PUDP: variants seen among roughly 807,000 people sequenced by gnomAD.
PUDP encodes pseudouridine-5'-phosphatase.
Under a neutral mutation model 9.4 loss-of-function variants are expected in PUDP, and 8 were observed. The observed-to-expected ratio is 0.85, with a 90% CI of 0.50 to 1.53. The LOEUF (loss-of-function observed/expected upper bound fraction) is 1.53. Among genes scored for constraint, PUDP ranks in the 40% most tolerant of loss-of-function variants. The pLI, the probability that PUDP is intolerant of heterozygous loss-of-function variation, is 0.00. For synonymous variants in PUDP, 99 were observed against 80.7 expected (o/e 1.23, Z -1.22); for missense variants, 188 against 189.7 (o/e 0.99, Z 0.05).
chrX:6,762,296 A>T (rs1232478155), intron 3 of PUDP, among the ~76,000 whole-genome samples: 1 of 112,415 alleles, frequency 8.9e-6, no homozygotes, highest in Non-Finnish European at 1.9e-5. Flanking sequence ...CCTATTTTTA[A>T]TTGTCTTCAG....
intron 2 of PUDP, among the ~76,000 whole-genome samples, chrX:7,103,464 ATAAAT>A (rs747753523): frequency 8.9e-6 from 1 of 112,614 alleles, no homozygotes; most frequent in East Asian, 2.8e-4. Context: ...GGAAGAAAAC[ATAAAT>A]TAAAGTTTCA....
intron 3 of PUDP, among the ~76,000 whole-genome samples, chrX:6,955,725 C>T (rs1368848961): frequency 1.8e-5 from 2 of 111,488 alleles, no homozygotes; most frequent in Non-Finnish European, 3.8e-5. Context: ...ACTTATATAA[C>T]ATAATATTTA....
intron 3 of PUDP, among the ~76,000 whole-genome samples, chrX:6,809,483 A>G (rs896740330): frequency 4.6e-5 from 5 of 108,896 alleles, no homozygotes; most frequent in Non-Finnish European, 9.5e-5. Context: ...TTTTGTAGCA[A>G]TAGGGTCTCC....
intron 1 of PUDP, among the ~76,000 whole-genome samples, chrX:7,120,154 GAAT>G (rs1932302570): frequency 1.8e-5 from 2 of 111,616 alleles, no homozygotes; most frequent in Admixed American, 9.5e-5. Context: ...GCAGTAGAGA[GAAT>G]AATTGTCCCC....
intron 3 of PUDP, among the ~76,000 whole-genome samples, chrX:6,964,736 A>C (rs1928756999): frequency 9.0e-6 from 1 of 111,659 alleles, no homozygotes; most frequent in South Asian, 3.8e-4. Flanking sequence ...AAAAGTGTTG[A>C]GCTCCTTTGA....
chrX:7,110,434 A>G (rs1463534049), intron 1 of PUDP, among the ~76,000 whole-genome samples: 1 of 112,245 alleles, frequency 8.9e-6, no homozygotes, highest in Non-Finnish European at 1.9e-5. Flanking sequence ...CCTGCTTACC[A>G]TGCAAATGGG....
intron 3 of PUDP, among the ~76,000 whole-genome samples, chrX:6,772,816 G>A (rs888820942): frequency 9.1e-6 from 1 of 109,577 alleles, no homozygotes; most frequent in African/African-American, 3.3e-5. Context: ...AAAAACCCAG[G>A]ACATTAAGGT....
chrX:7,082,210 A>G (rs1223262593), intron 2 of PUDP, among the ~76,000 whole-genome samples: 1 of 112,126 alleles, frequency 8.9e-6, no homozygotes, highest in Non-Finnish European at 1.9e-5. Flanking sequence ...GAACTGGGGA[A>G]TGTGGAGAAT....
At chrX:7,140,808 A>G (rs892224207) in intron 1 of PUDP, among the ~76,000 whole-genome samples, 6 of 112,102 alleles carry the variant, frequency 5.4e-5, no homozygotes, top group Admixed American at 9.5e-5. Flanking sequence ...AAAGTCTATC[A>G]ACACCATTTT....
At chrX:6,770,609 G>C (rs1227674803) in intron 3 of PUDP, among the ~76,000 whole-genome samples, 1 of 111,462 alleles carries the variant, frequency 9.0e-6, no homozygotes. Flanking sequence ...AAACTAACCT[G>C]TAAGAAACAC....
chrX:6,730,549 T>C (rs145341758), intron 3 of PUDP, among the ~76,000 whole-genome samples: 2,260 of 112,086 alleles, frequency 0.02, 54 homozygotes, highest in African/African-American at 0.068. Flanking sequence ...GGGAAACCTT[T>C]GGTCTAGGAG....
intron 3 of PUDP, among the ~76,000 whole-genome samples, chrX:6,939,034 T>C (rs1928357843): frequency 9.0e-6 from 1 of 110,517 alleles, no homozygotes; most frequent in Non-Finnish European, 1.9e-5. Context: ...TTCTTTTGAT[T>C]TATGCAAACC....
intron 1 of PUDP, among the ~76,000 whole-genome samples, chrX:7,133,208 C>T: frequency 9.0e-6 from 1 of 111,520 alleles, no homozygotes; most frequent in Middle Eastern, 4.6e-3. Context: ...GCCTCTTGGC[C>T]ACGCGGGTAG....
At chrX:7,021,738 T>A (rs1380504741) in intron 1 of PUDP, among the ~76,000 whole-genome samples, 3 of 111,888 alleles carry the variant, frequency 2.7e-5, no homozygotes, top group Non-Finnish European at 5.6e-5. Context: ...GAACCAGCAA[T>A]GGCTGGGTAT....
At chrX:6,750,300 T>C (rs184916066) in intron 3 of PUDP, among the ~76,000 whole-genome samples, 68 of 112,265 alleles carry the variant, frequency 6.1e-4, no homozygotes, top group African/African-American at 2.1e-3. Flanking sequence ...CCCTGCCATT[T>C]TCATTCAGCA....
chrX:6,714,616 C>T (rs1031477336), intron 1 of PUDP, among the ~76,000 whole-genome samples: 2 of 109,613 alleles, frequency 1.8e-5, no homozygotes, highest in Admixed American at 9.8e-5. Context: ...TACATAGATA[C>T]GTAGATAAAT....
At chrX:6,844,104 C>A (rs1477104574) in intron 3 of PUDP, among the ~76,000 whole-genome samples, 1 of 112,198 alleles carries the variant, frequency 8.9e-6, no homozygotes, top group Non-Finnish European at 1.9e-5. Flanking sequence ...ATCTTCAATG[C>A]CAGAAATGGC....
intron 3 of PUDP, among the ~76,000 whole-genome samples, chrX:6,809,331 TCTGGTGACCACA>T (rs1197010689): frequency 2.1e-4 from 23 of 109,935 alleles, no homozygotes; most frequent in African/African-American, 7.6e-4. Flanking sequence ...GGGGTCTTGC[TCTGGTGACCACA>T]CTGGAGTACA....
intron 3 of PUDP, among the ~76,000 whole-genome samples, chrX:6,780,677 A>C (rs753755988): frequency 1.6e-4 from 18 of 111,392 alleles, no homozygotes; most frequent in Non-Finnish European, 1.1e-4. Context: ...ATGATGGCGA[A>C]TGAATTCCCC....
Sources: gnomAD v4.1 joint callset for allele counts (sites outside exome capture counted in the v4.1 genomes callset) on GRCh38, gnomAD v4.1.1 for gene constraint, MANE v1.5 for transcripts, NCBI Gene and HGNC (gene_info 2026-07-23, HGNC 2026-07-21) for gene names.